SPAG16: variants seen among roughly 807,000 people sequenced by gnomAD.
SPAG16 encodes sperm associated antigen 16, also known as sperm-associated antigen 16 protein.
In SPAG16, 86 loss-of-function variants were observed where a neutral mutation model predicts 80.4. The observed-to-expected ratio is 1.07, with a 90% CI of 0.90 to 1.28. The LOEUF (loss-of-function observed/expected upper bound fraction) is 1.28. SPAG16 is among the 50% of genes most tolerant of loss of function. SPAG16 has a pLI of 0.00. For missense variants in SPAG16, 870 were observed against 765.3 expected, an observed-to-expected ratio of 1.14 and a Z score of -1.61; for synonymous variants, 294 against 265.9, an observed-to-expected ratio of 1.11 and a Z score of -1.03.
chr2:213,875,851 C>T (rs2076121901), intron 11 of SPAG16, among the ~76,000 whole-genome samples: 1 of 152,014 alleles, frequency 6.6e-6, no homozygotes, highest in Non-Finnish European at 1.5e-5. Context: ...ATTCATTTTC[C>T]TTCACGTATT....
chr2:214,113,795 T>C (rs533436671), intron 14 of SPAG16, among the ~76,000 whole-genome samples: 1 of 152,334 alleles, frequency 6.6e-6, no homozygotes, highest in East Asian at 1.9e-4. Context: ...AGAAGTTTGT[T>C]ATTACCGACC....
At chr2:214,095,134 A>T (rs1268464175) in intron 13 of SPAG16, among the ~76,000 whole-genome samples, 8 of 152,080 alleles carry the variant, frequency 5.3e-5, no homozygotes, top group Admixed American at 5.3e-4. Context: ...TTTGTAAAAT[A>T]ACCATATTTT....
At chr2:214,058,749 G>T (rs1462985175) in intron 13 of SPAG16, among the ~76,000 whole-genome samples, 1 of 152,024 alleles carries the variant, frequency 6.6e-6, no homozygotes, top group Non-Finnish European at 1.5e-5. Context: ...ATGTAGTAAA[G>T]GAAGGAAAAC....
Position 213,600,907 on chromosome 2 carries a change from A to G in SPAG16, c.1070+110817A>G, listed in dbSNP as rs535335806. Among the ~76,000 whole-genome samples the G allele has an allele frequency of 6.6e-5, 10 of 152,354 alleles. No homozygotes were observed. In the South Asian group the frequency reaches 1.2e-3, roughly 19 times the overall value. On this transcript the variant is annotated intron_variant, in intron 10 of 15. Transcript: ENST00000331683. ...AAAAGGCAAATTAGTATGAGAAATG[A>G]CATACAAATTTATTAGCGTGCAGGG...
chr2:213,420,056 TAAGCAATAACTA>T (rs2125432397), intron 9 of SPAG16, among the ~76,000 whole-genome samples: 1 of 152,350 alleles, frequency 6.6e-6, no homozygotes, highest in South Asian at 2.1e-4. Context: ...TATCAAACAT[TAAGCAATAACTA>T]AAGCAATAAA....
chr2:213,575,707 A>T (rs1296107735), intron 10 of SPAG16, among the ~76,000 whole-genome samples: 4 of 152,154 alleles, frequency 2.6e-5, no homozygotes, highest in African/African-American at 9.7e-5. Flanking sequence ...TCATTGAATT[A>T]GTTGTTCAGC....
At chr2:213,583,382 A>C (rs1381919744) in intron 10 of SPAG16, among the ~76,000 whole-genome samples, 1 of 152,188 alleles carries the variant, frequency 6.6e-6, no homozygotes, top group South Asian at 2.1e-4. Context: ...TTTTCCTTTA[A>C]ATAGTCATTG....
intron 15 of SPAG16, among the ~76,000 whole-genome samples, chr2:214,285,815 T>A (rs1271498881): frequency 6.6e-6 from 1 of 151,890 alleles, no homozygotes; most frequent in African/African-American, 2.4e-5. Flanking sequence ...ATAATAATAA[T>A]AATAAATAAA....
chr2:214,289,883 TTTG>T (rs900719371), intron 15 of SPAG16, among the ~76,000 whole-genome samples: 1 of 152,154 alleles, frequency 6.6e-6, no homozygotes, highest in African/African-American at 2.4e-5. Context: ...GTAGTTTTAG[TTTG>T]TTGTTGTGTC....
chr2:214,287,045 A>T (rs1693418457), intron 15 of SPAG16, among the ~76,000 whole-genome samples: 1 of 152,216 alleles, frequency 6.6e-6, no homozygotes, highest in African/African-American at 2.4e-5. Context: ...TTTTATTTAC[A>T]TATTTATTTT....
chr2:214,290,789 G>T (rs539753098), intron 15 of SPAG16, among the ~76,000 whole-genome samples: 6 of 152,204 alleles, frequency 3.9e-5, no homozygotes, highest in Admixed American at 2.6e-4. Context: ...GACTTATTTT[G>T]TGTCCCAAAC....
chr2:213,812,408 G>A (rs1322336862), intron 10 of SPAG16, among the ~76,000 whole-genome samples: 1 of 152,186 alleles, frequency 6.6e-6, no homozygotes, highest in Non-Finnish European at 1.5e-5. Context: ...GAGGCTAAGA[G>A]ACTCAGCTTT....
intron 12 of SPAG16, among the ~76,000 whole-genome samples, chr2:213,974,072 G>T (rs2045230028): frequency 1.3e-5 from 2 of 152,066 alleles, no homozygotes; most frequent in Non-Finnish European, 2.9e-5. Flanking sequence ...TATAGTTAGT[G>T]ATAATAGGGA....
chr2:214,179,037 G>T (rs752520621), intron 15 of SPAG16, among the ~76,000 whole-genome samples: 1 of 151,190 alleles, frequency 6.6e-6, no homozygotes, highest in Non-Finnish European at 1.5e-5. Context: ...TACAATACCT[G>T]AGTAATGAAA....
At chr2:213,510,244 T>G (rs993925731) in intron 10 of SPAG16, among the ~76,000 whole-genome samples, 2 of 152,152 alleles carry the variant, frequency 1.3e-5, no homozygotes. Flanking sequence ...AAGTTTCTAG[T>G]GTAGTTTATG....
chr2:213,629,248 G>A (rs2062060579), intron 10 of SPAG16, among the ~76,000 whole-genome samples: 1 of 152,196 alleles, frequency 6.6e-6, no homozygotes, highest in Admixed American at 6.5e-5. Flanking sequence ...GAGCAATAAA[G>A]TGGTCAGAAT....
chr2:213,706,080 G>A (rs568736871), intron 10 of SPAG16, among the ~76,000 whole-genome samples: 29 of 152,188 alleles, frequency 1.9e-4, no homozygotes, highest in Non-Finnish European at 3.5e-4. Flanking sequence ...CCTGGCAAAA[G>A]AAAGTGTATC....
chr2:213,608,719 T>C (rs918508585), intron 10 of SPAG16, among the ~76,000 whole-genome samples: 2 of 152,268 alleles, frequency 1.3e-5, no homozygotes, highest in African/African-American at 4.8e-5. Flanking sequence ...AGTCTCGCTC[T>C]GTCCCCCCAG....
At chr2:214,319,541 A>ACTAT (rs1477615702) in intron 15 of SPAG16, among the ~76,000 whole-genome samples, 1 of 151,896 alleles carries the variant, frequency 6.6e-6, no homozygotes, top group Non-Finnish European at 1.5e-5. Context: ...TTAATGAAGG[A>ACTAT]CTATCTATGG....
Sources: gnomAD v4.1 joint callset for allele counts (sites outside exome capture counted in the v4.1 genomes callset) on GRCh38, gnomAD v4.1.1 for gene constraint, MANE v1.5 for transcripts, NCBI Gene and HGNC (gene_info 2026-07-23, HGNC 2026-07-21) for gene names.